Variants in TNRC6A observed in about 807,000 individuals in gnomAD.
TNRC6A encodes trinucleotide repeat-containing gene 6A protein.
TNRC6A carries 44 observed loss-of-function variants against 221.2 expected under a neutral mutation model. That is an observed-to-expected ratio of 0.20 (90% CI 0.16 to 0.26). The LOEUF is 0.26. TNRC6A is among the 10% of genes least tolerant of loss of function. The probability of loss-of-function intolerance (pLI) is 1.00; values close to 1 mark genes in which losing one functional copy is unlikely to be tolerated. For synonymous variants in TNRC6A, 847 were observed against 838.5 expected, an observed-to-expected ratio of 1.01 and a Z score of -0.18; for missense variants, 2,199 against 2,404.4, an observed-to-expected ratio of 0.91 and a Z score of 1.79.
In TNRC6A at chr16:24,789,278, G is replaced by A. The variant is rs199978537; in HGVS notation, c.636G>A (p.Arg212=). 1.9e-5 allele frequency: 30 copies of A among 1,612,314 alleles called. No homozygotes were observed. The highest frequency in any genetic ancestry group is 2.0e-5 in the Non-Finnish European group (24 of 1,179,278). ...GATCCCATTATGAAAATTCCCAGCG[G>A]GGACCTGTGTCTTCTACAAGTGATT... is the stretch of plus-strand genomic sequence containing the variant. ...TSGSHYENSQ[R]GPVSSTSDSS... is the part of the protein sequence containing the mutation. The change falls in exon 6 of 25, where the codon CGG becomes CGA. Residue 212 remains arginine, a synonymous_variant. Transcript: ENST00000395799.
intron 17 of TNRC6A, among the ~76,000 whole-genome samples, chr16:24,807,939 C>G (rs2058468534): frequency 6.6e-6 from 1 of 152,202 alleles, no homozygotes; most frequent in Non-Finnish European, 1.5e-5. Context: ...TGCTGCCTCA[C>G]TCTGTGACTG....
At chr16:24,806,879 A>G in intron 17 of TNRC6A, 95 bp downstream of exon 17, 1 of 1,186,814 alleles carries the variant, frequency 8.4e-7, no homozygotes. Context: ...TCCTTCATGA[A>G]AGCTACATTG....
intron 2 of TNRC6A, among the ~76,000 whole-genome samples, chr16:24,641,578 A>C (rs534520207): frequency 2.0e-4 from 31 of 152,172 alleles, no homozygotes; most frequent in African/African-American, 7.0e-4. Flanking sequence ...GAAGGAAAAG[A>C]GTTTCTGCTT....
chr16:24,785,420 A>G (rs533516346), intron 5 of TNRC6A, among the ~76,000 whole-genome samples: 21 of 152,330 alleles, frequency 1.4e-4, no homozygotes, highest in African/African-American at 4.6e-4. Context: ...ATAATCATAT[A>G]TGACTTTAAA....
At chr16:24,702,826 G>A (rs1026788612) in intron 2 of TNRC6A, among the ~76,000 whole-genome samples, 1 of 151,900 alleles carries the variant, frequency 6.6e-6, no homozygotes, top group Non-Finnish European at 1.5e-5. Context: ...ATGAGGTCAG[G>A]AGATCGAGAC....
intron 2 of TNRC6A, among the ~76,000 whole-genome samples, chr16:24,703,609 T>A (rs534702457): frequency 6.6e-6 from 1 of 152,106 alleles, no homozygotes; most frequent in Non-Finnish European, 1.5e-5. Context: ...AGTGAAAAAA[T>A]AAATTTTATT....
chr16:24,694,842 A>C (rs2055826659), intron 2 of TNRC6A, among the ~76,000 whole-genome samples: 1 of 151,762 alleles, frequency 6.6e-6, no homozygotes, highest in African/African-American at 2.4e-5. Context: ...CTGAGGCAGG[A>C]GGATCATTTG....
At chr16:24,668,743 A>G (rs2055227881) in intron 2 of TNRC6A, among the ~76,000 whole-genome samples, 1 of 152,220 alleles carries the variant, frequency 6.6e-6, no homozygotes. Flanking sequence ...GGGAAAGAAC[A>G]TGGAACATTT....
At chr16:24,783,397 G>A (rs1439405692) in intron 5 of TNRC6A, among the ~76,000 whole-genome samples, 2 of 152,138 alleles carry the variant, frequency 1.3e-5, no homozygotes, top group African/African-American at 2.4e-5. Context: ...CCAAAGTGCT[G>A]GGATTACAGG....
chr16:24,628,814 A>G (rs930122905), intron 1 of TNRC6A, among the ~76,000 whole-genome samples: 5 of 143,760 alleles, frequency 3.5e-5, no homozygotes, highest in African/African-American at 1.1e-4. Flanking sequence ...TAACTCCCAC[A>G]TTGTTCAAAG....
chr16:24,616,486 G>C (rs1414699141), intron 1 of TNRC6A, among the ~76,000 whole-genome samples: 1 of 152,082 alleles, frequency 6.6e-6, no homozygotes, highest in Non-Finnish European at 1.5e-5. Flanking sequence ...CATAAACACA[G>C]AAGCCACGCA....
At chr16:24,702,082 T>C (rs1478348532) in intron 2 of TNRC6A, among the ~76,000 whole-genome samples, 1 of 127,638 alleles carries the variant, frequency 7.8e-6, no homozygotes, top group Non-Finnish European at 1.7e-5. Context: ...ACATGTAAAC[T>C]CTATTTTCTT....
intron 2 of TNRC6A, among the ~76,000 whole-genome samples, chr16:24,750,230 A>G (rs886325602): frequency 6.6e-6 from 1 of 152,244 alleles, no homozygotes; most frequent in African/African-American, 2.4e-5. Context: ...ATGCTGAAAT[A>G]CAAATCACCT....
chr16:24,633,780 ATC>A, intron 1 of TNRC6A, among the ~76,000 whole-genome samples: 1 of 123,636 alleles, frequency 8.1e-6, no homozygotes, highest in Middle Eastern at 4.5e-3. Context: ...TATAGAATTT[ATC>A]TCTCTTTTTT....
At position 24,790,523 on chromosome 16, in the gene TNRC6A, T is replaced by C. The variant is rs747814885; in HGVS notation, c.1881T>C (p.Asn627=). ...AACTGCCTAGCAATCAGCATTCCAATGATAGTGCAAATGGCAATGGTAAGA... is the reference window on the plus strand; with the variant it reads ...AACTGCCTAGCAATCAGCATTCCAACGATAGTGCAAATGGCAATGGTAAGA... The part of the protein sequence containing the change: ...WNKLPSNQHS[N]DSANGNGKTF... Residue 627 remains asparagine (N), a synonymous_variant, in exon 6 of 25, where the codon AAT becomes AAC. Transcript: ENST00000395799. The C allele has an allele frequency of 6.2e-7, 1 of 1,614,190 alleles. No homozygotes were observed. Among genetic ancestry groups the C allele is most frequent in the East Asian group, 2.2e-5 (1 of 44,894 alleles).
In TNRC6A at chr16:24,790,250, C is replaced by A; in HGVS notation, c.1608C>A (p.Gly536=). 6.2e-7 allele frequency: 1 copy of A among 1,614,176 alleles called. No individual in the cohort carries two copies. Among genetic ancestry groups the A allele is most frequent in the Non-Finnish European group, 8.5e-7 (1 of 1,180,036 alleles). The part of the protein sequence containing the change: ...GSNYSGDKCS[G]PNGQANGDTV... Reference sequence around the variant, plus strand: ...ATTACTCTGGAGACAAATGTTCAGGCCCTAATGGCCAAGCTAATGGTGACA... The same window carrying A: ...ATTACTCTGGAGACAAATGTTCAGGACCTAATGGCCAAGCTAATGGTGACA... Residue 536 remains glycine (G), a synonymous_variant, in exon 6 of 25, where the codon GGC becomes GGA. Transcript: ENST00000395799.
At chr16:24,649,474 A>G (rs1902508414) in intron 2 of TNRC6A, among the ~76,000 whole-genome samples, 1 of 150,954 alleles carries the variant, frequency 6.6e-6, no homozygotes, top group African/African-American at 2.4e-5. Context: ...ACACCCAGCT[A>G]ATTTTTTTAT....
At position 24,758,331 on chromosome 16, in the gene TNRC6A, T is replaced by A. The variant is rs2057294663; in HGVS notation, c.142-8T>A. 6.2e-7 allele frequency: 1 copy of A among 1,607,862 alleles called. No homozygotes were observed. Among genetic ancestry groups the A allele is most frequent in the Non-Finnish European group, 8.5e-7 (1 of 1,175,174 alleles). On this transcript the variant is annotated splice_polypyrimidine_tract_variant and splice_region_variant and intron_variant, in intron 3 of 24. Transcript: ENST00000395799. ...ACATTGTTTTTTGTTTGTTTGTTTTTATTTTAGGCCACTGAACAAAAAATC... is the reference window on the plus strand; with the variant it reads ...ACATTGTTTTTTGTTTGTTTGTTTTAATTTTAGGCCACTGAACAAAAAATC...
intron 4 of TNRC6A, among the ~76,000 whole-genome samples, chr16:24,774,255 T>G (rs1368153746): frequency 1.3e-5 from 2 of 152,220 alleles, no homozygotes; most frequent in Non-Finnish European, 2.9e-5. Context: ...CCTTCTGCAC[T>G]CATTACTTCT....
Sources: gnomAD v4.1 joint callset for allele counts (sites outside exome capture counted in the v4.1 genomes callset) on GRCh38, gnomAD v4.1.1 for gene constraint, MANE v1.5 for transcripts, NCBI Gene and HGNC (gene_info 2026-07-23, HGNC 2026-07-21) for gene names.